Variants in CORIN observed in about 807,000 individuals in gnomAD.
The protein encoded by CORIN is corin, serine peptidase, also known as atrial natriuretic peptide-converting enzyme.
In CORIN, 117 loss-of-function variants were observed where a neutral mutation model predicts 125.3. The observed-to-expected ratio is 0.93, with a 90% CI of 0.80 to 1.09. CORIN has a LOEUF of 1.09. Ranked by LOEUF, CORIN falls within the 50% of genes least tolerant of loss-of-function variation. CORIN has a pLI of 0.00. For synonymous variants in CORIN, 450 were observed against 466.4 expected, an observed-to-expected ratio of 0.96 and a Z score of 0.45; for missense variants, 1,253 against 1,306.7, an observed-to-expected ratio of 0.96 and a Z score of 0.63.
At chr4:47,695,725 T>C (rs562441046) in intron 5 of CORIN, among the ~76,000 whole-genome samples, 1 of 152,382 alleles carries the variant, frequency 6.6e-6, no homozygotes, top group Admixed American at 6.5e-5. Context: ...AGAATAACTT[T>C]TGTAAAATCT....
At chr4:47,787,051 A>T in intron 2 of CORIN, 126 bp from the exon 3 acceptor site, 1 of 703,090 alleles carries the variant, frequency 1.4e-6, no homozygotes. Context: ...GGTAAACACA[A>T]AGACGAAGAT....
chr4:47,717,072 C>T (rs1215440542), intron 5 of CORIN, among the ~76,000 whole-genome samples: 1 of 152,014 alleles, frequency 6.6e-6, no homozygotes, highest in Non-Finnish European at 1.5e-5. Flanking sequence ...AAAAAAATAC[C>T]TACCCTTGAA....
intron 5 of CORIN, among the ~76,000 whole-genome samples, chr4:47,718,838 A>T (rs1393145202): frequency 6.6e-6 from 1 of 152,222 alleles, no homozygotes; most frequent in Non-Finnish European, 1.5e-5. Flanking sequence ...TGTAGTTAAA[A>T]GATGAGTCTG....
intron 17 of CORIN, among the ~76,000 whole-genome samples, chr4:47,624,199 T>G (rs1272509306): frequency 5.3e-5 from 8 of 152,242 alleles, no homozygotes; most frequent in African/African-American, 1.9e-4. Context: ...TTTTTTAGTT[T>G]ATTTAATGTC....
At chr4:47,724,426 T>C (rs544822562) in intron 5 of CORIN, among the ~76,000 whole-genome samples, 3 of 152,100 alleles carry the variant, frequency 2.0e-5, no homozygotes, top group South Asian at 2.1e-4. Context: ...ATTAAAAATA[T>C]AGGAAGGAAA....
At chr4:47,672,449 T>C (rs1002427589) in intron 10 of CORIN, among the ~76,000 whole-genome samples, 1 of 152,198 alleles carries the variant, frequency 6.6e-6, no homozygotes, top group Non-Finnish European at 1.5e-5. Context: ...GTAAGTGTCA[T>C]TCCATGTCAA....
At chr4:47,781,551 G>T (rs570759800) in intron 3 of CORIN, among the ~76,000 whole-genome samples, 1 of 152,194 alleles carries the variant, frequency 6.6e-6, no homozygotes, top group Admixed American at 6.5e-5. Flanking sequence ...CTATAGGTTC[G>T]ATGTATTAAA....
intron 1 of CORIN, among the ~76,000 whole-genome samples, chr4:47,830,215 C>T (rs1234506971): frequency 6.6e-6 from 1 of 152,066 alleles, no homozygotes; most frequent in East Asian, 1.9e-4. Context: ...CAATAAATCC[C>T]ACATGGTGTT....
chr4:47,801,700 T>C (rs890618663), intron 2 of CORIN, among the ~76,000 whole-genome samples: 4 of 152,034 alleles, frequency 2.6e-5, no homozygotes, highest in Non-Finnish European at 4.4e-5. Context: ...AGAGGGAACA[T>C]TTGGACAGGC....
intron 1 of CORIN, among the ~76,000 whole-genome samples, chr4:47,836,274 C>T (rs766081585): frequency 5.1e-4 from 78 of 151,914 alleles, no homozygotes; most frequent in Admixed American, 1.1e-3. Flanking sequence ...CTATTGGGCA[C>T]CTAATAATAG....
At chr4:47,641,084 T>A (rs992428124) in intron 16 of CORIN, among the ~76,000 whole-genome samples, 3 of 152,198 alleles carry the variant, frequency 2.0e-5, no homozygotes, top group African/African-American at 7.2e-5. Context: ...AGCTGCATAT[T>A]AGTAATTCTT....
At chr4:47,661,139 G>C (rs545725760) in intron 12 of CORIN, among the ~76,000 whole-genome samples, 121 of 152,256 alleles carry the variant, frequency 7.9e-4, no homozygotes, top group African/African-American at 2.5e-3. Context: ...CACAATTGAA[G>C]TCATGGTGAT....
intron 5 of CORIN, among the ~76,000 whole-genome samples, chr4:47,717,267 A>G (rs769878048): frequency 3.9e-5 from 6 of 152,090 alleles, no homozygotes; most frequent in Non-Finnish European, 5.9e-5. Context: ...CAATTTTACC[A>G]ATTGGTAAAA....
At chr4:47,827,824 C>T (rs1328753808) in intron 1 of CORIN, among the ~76,000 whole-genome samples, 1 of 152,206 alleles carries the variant, frequency 6.6e-6, no homozygotes. Flanking sequence ...TGGCACCCAG[C>T]TTGATCCTGG....
At chr4:47,670,899 C>T (rs1724728096) in intron 10 of CORIN, among the ~76,000 whole-genome samples, 1 of 152,222 alleles carries the variant, frequency 6.6e-6, no homozygotes, top group African/African-American at 2.4e-5. Context: ...GACATGGCAA[C>T]ACAGGCTGCT....
intron 19 of CORIN, among the ~76,000 whole-genome samples, chr4:47,616,384 G>C (rs1300652571): frequency 6.6e-6 from 1 of 152,064 alleles, no homozygotes; most frequent in African/African-American, 2.4e-5. Context: ...TGAGATGAGT[G>C]AGTGTAGACA....
At chr4:47,657,333 AC>A (rs572054256) in intron 12 of CORIN, among the ~76,000 whole-genome samples, 198 of 152,140 alleles carry the variant, frequency 1.3e-3, no homozygotes, top group Non-Finnish European at 1.6e-3. Context: ...GGAGATCAAG[AC>A]CATCCTGGCT....
In CORIN at chr4:47,814,903, C is replaced by G. The variant is rs575058415; in HGVS notation, c.64-7856G>C. On this transcript the variant is annotated intron_variant, in intron 1 of 21. Coordinates refer to ENST00000273857, the MANE Select transcript of CORIN (RefSeq NM_006587.4). Reference sequence around the variant, plus strand: ...ATAACAGCACCAGATAGTCCTCTCCCAAATTTCAGAATCACATATCCCAGA... The same window carrying G: ...ATAACAGCACCAGATAGTCCTCTCCGAAATTTCAGAATCACATATCCCAGA... Among the ~76,000 whole-genome samples the G allele has an allele frequency of 8.5e-5, 13 of 152,244 alleles. No homozygotes were observed. The East Asian group carries it at 2.3e-3, about 27-fold the overall frequency.
At chr4:47,782,009 A>G (rs1242145132) in intron 3 of CORIN, among the ~76,000 whole-genome samples, 3 of 152,130 alleles carry the variant, frequency 2.0e-5, no homozygotes, top group Non-Finnish European at 2.9e-5. Flanking sequence ...AAAAGGTTCA[A>G]TATAAAAAGA....
Sources: allele counts gnomAD v4.1 joint callset (sites outside exome capture counted in the v4.1 genomes callset), GRCh38; gene constraint gnomAD v4.1.1; transcripts MANE v1.5; gene names NCBI Gene and HGNC (gene_info 2026-07-23, HGNC 2026-07-21).